Variants in MAP3K9 observed in about 807,000 individuals in gnomAD.
MAP3K9 encodes the protein mixed lineage kinase 1 (tyr and ser/thr specificity).
MAP3K9 carries 46 observed loss-of-function variants against 95.8 expected under a neutral mutation model. That is an observed-to-expected ratio of 0.48 (90% CI 0.38 to 0.61). MAP3K9 has a LOEUF of 0.61. Ranked by LOEUF, MAP3K9 falls within the 20% of genes least tolerant of loss-of-function variation. The pLI, the probability that MAP3K9 is intolerant of heterozygous loss-of-function variation, is 0.00. For missense variants in MAP3K9, 1,296 were observed against 1,474.3 expected, an observed-to-expected ratio of 0.88 and a Z score of 1.98; for synonymous variants, 533 against 593.8, an observed-to-expected ratio of 0.90 and a Z score of 1.49.
rs764502562 is a variant in MAP3K9, at chr14:70,800,843, T to C, written c.644A>G (p.Asn215Ser). The C allele has an allele frequency of 3.7e-6, 6 of 1,614,146 alleles. No individual in the cohort carries two copies. The highest frequency in any genetic ancestry group is 1.1e-5 in the South Asian group (1 of 91,078). ...ALRGVCLKEP[N>S]LCLVMEFARG... Reference sequence around the variant, plus strand: ...AGCAAACTCCATGACCAAGCAGAGGTTGGGCTCCTTCAGACATACCCCTCT... The same window carrying C: ...AGCAAACTCCATGACCAAGCAGAGGCTGGGCTCCTTCAGACATACCCCTCT... Residue 215 changes from asparagine (N) to serine (S), a missense_variant, in exon 2 of 12, where the codon AAC (asparagine) becomes AGC (serine). Asn to Ser is a conservative substitution (Grantham distance 46). Coordinates refer to ENST00000554752, the MANE Select transcript of MAP3K9 (RefSeq NM_001284230.2).
intron 2 of MAP3K9, among the ~76,000 whole-genome samples, chr14:70,763,595 A>G (rs1033435871): frequency 5.3e-5 from 8 of 151,770 alleles, no homozygotes; most frequent in Non-Finnish European, 1.0e-4. Flanking sequence ...CAGTGGTGCA[A>G]TCATAGCTTA....
chr14:70,742,375 C>T lies in MAP3K9; in HGVS notation c.1543G>A (p.Gly515Ser), dbSNP rs1340570500. The stretch of plus-strand genomic sequence containing the variant: ...CCAGAAGGGAGGCTGATGCGGTTGC[C>T]ATCCTTGAGCTTCAGCCGGCTCTTC... ...FRKSRLKLKD[G>S]NRISLPSDFQ... is the part of the protein sequence containing the mutation. Residue 515 changes from glycine (G) to serine (S), a missense_variant, in exon 6 of 12, where the codon GGC becomes AGC. By Grantham distance (56) the Gly-to-Ser change is moderately conservative. Around this residue, in one of 5 missense-constraint regions of MAP3K9, gnomAD observed 377 missense variants for 417.1 expected, o/e 0.90. Coordinates refer to ENST00000554752, the MANE Select transcript of MAP3K9 (RefSeq NM_001284230.2). The T allele has an allele frequency of 1.5e-5, 25 of 1,614,062 alleles. No homozygotes were observed. The highest frequency in any genetic ancestry group is 2.0e-5 in the Non-Finnish European group (24 of 1,180,048).
chr14:70,737,954 C>G (rs1377119561), intron 8 of MAP3K9, among the ~76,000 whole-genome samples: 1 of 152,168 alleles, frequency 6.6e-6, no homozygotes, highest in Non-Finnish European at 1.5e-5. Context: ...TCCATGGTCT[C>G]TGGAGGCTTC....
At chr14:70,754,967 A>T (rs1377925431) in intron 3 of MAP3K9, among the ~76,000 whole-genome samples, 1 of 152,148 alleles carries the variant, frequency 6.6e-6, no homozygotes, top group Non-Finnish European at 1.5e-5. Context: ...TGGGAAACTT[A>T]CACAATTGAG....
At chr14:70,757,718 GAGT>G (rs1193747256) in intron 3 of MAP3K9, among the ~76,000 whole-genome samples, 1 of 152,170 alleles carries the variant, frequency 6.6e-6, no homozygotes, top group African/African-American at 2.4e-5. Context: ...TAGATTAATG[GAGT>G]AGAACTGAGA....
At chr14:70,785,317 C>G (rs1379185503) in intron 2 of MAP3K9, among the ~76,000 whole-genome samples, 1 of 152,184 alleles carries the variant, frequency 6.6e-6, no homozygotes, top group African/African-American at 2.4e-5. Flanking sequence ...ATTCCAGGAT[C>G]CCCAGTGGAT....
chr14:70,734,485 C>T lies in MAP3K9; in HGVS notation c.1927G>A (p.Val643Ile). Residue 643 changes from valine (V) to isoleucine (I), a missense_variant, in exon 10 of 12, where the codon GTA becomes ATA. By Grantham distance (29) the Val-to-Ile change is conservative. Transcript: ENST00000554752. ...PHFHLGLKSL[V>I]DGYKQWSSSA... ...GACGACCACTGCTTATATCCATCTACCAGGGACTTGAGGCTGAATCAGAGG... is the reference window on the plus strand; with the variant it reads ...GACGACCACTGCTTATATCCATCTATCAGGGACTTGAGGCTGAATCAGAGG... 1 of 1,606,436 alleles carries T rather than the reference C, an allele frequency of 6.2e-7. No homozygotes were observed. The highest frequency in any genetic ancestry group is 8.5e-7 in the Non-Finnish European group (1 of 1,174,450).
chr14:70,805,952 T>C (rs2054985287), intron 1 of MAP3K9, among the ~76,000 whole-genome samples: 1 of 152,148 alleles, frequency 6.6e-6, no homozygotes, highest in Admixed American at 6.5e-5. Flanking sequence ...CAAAAAAAGC[T>C]TTTAAATAAA....
In MAP3K9 at chr14:70,730,536, G is replaced by A; in HGVS notation, c.3159C>T (p.Leu1053=). 6.2e-7 allele frequency: 1 copy of A among 1,613,970 alleles called. No homozygotes were observed. Among genetic ancestry groups the A allele is most frequent in the Non-Finnish European group, 8.5e-7 (1 of 1,180,030 alleles). ...VEERPGLPAL[L]PFQAGPLPPT... ...GGGGCAGCGGCCCTGCCTGGAACGGGAGCAGGGCTGGAAGTCCAGGCCGCT... is the reference window on the plus strand; with the variant it reads ...GGGGCAGCGGCCCTGCCTGGAACGGAAGCAGGGCTGGAAGTCCAGGCCGCT... The change falls in exon 12 of 12, where the codon CTC becomes CTT. Residue 1053 remains leucine, a synonymous_variant. Coordinates refer to ENST00000554752, the MANE Select transcript of MAP3K9 (RefSeq NM_001284230.2).
chr14:70,796,062 T>C lies in MAP3K9; in HGVS notation c.820+4605A>G, dbSNP rs528406069. Among the ~76,000 whole-genome samples, 12 of 152,310 alleles carry C rather than the reference T, an allele frequency of 7.9e-5. No individual in the cohort carries two copies. In the South Asian group the frequency reaches 2.5e-3, roughly 32 times the overall value. On this transcript the variant is annotated intron_variant, in intron 2 of 11. Transcript: ENST00000554752. ...GAGCCACCACACCTGGCCACTTATA[T>C]AACTTTTAATGGCCACTATTAAACT... is the stretch of plus-strand genomic sequence containing the variant.
At position 70,808,815 on chromosome 14, in the gene MAP3K9, G is replaced by T; in HGVS notation, c.357C>A (p.Ser119Arg). ...GGTCCTCGCCGCCGGGCTGGCAGCG[G>T]CTGGAGAAGGCGCTGCGCGGGGTCA... ...NYVTPRSAFS[S>R]RCQPGGEDPS... The change falls in exon 1 of 12, where the codon AGC (serine) becomes AGA (arginine). Residue 119 changes from serine (S) to arginine (R), a missense_variant. Ser to Arg is a moderately radical substitution (Grantham distance 110). Coordinates refer to ENST00000554752, the MANE Select transcript of MAP3K9 (RefSeq NM_001284230.2). 6.3e-7 allele frequency: 1 copy of T among 1,594,450 alleles called. No homozygotes were observed. Among genetic ancestry groups the T allele is most frequent in the Non-Finnish European group, 8.5e-7 (1 of 1,173,412 alleles).
chr14:70,778,152 G>C (rs1007138178), intron 2 of MAP3K9, among the ~76,000 whole-genome samples: 10 of 151,932 alleles, frequency 6.6e-5, no homozygotes, highest in Non-Finnish European at 5.9e-5. Context: ...ACCCAGGCTG[G>C]AGTGCAGTGG....
chr14:70,760,141 G>GCGCACACACA (rs1555369568), intron 3 of MAP3K9, among the ~76,000 whole-genome samples: 1 of 147,700 alleles, frequency 6.8e-6, no homozygotes. Flanking sequence ...AAATAAACGT[G>GCGCACACACA]CACACACACA....
intron 4 of MAP3K9, among the ~76,000 whole-genome samples, 159 bp from the exon 5 acceptor site, chr14:70,749,163 A>G (rs1420586586): frequency 6.6e-6 from 1 of 152,238 alleles, no homozygotes; most frequent in African/African-American, 2.4e-5. Flanking sequence ...CTCAGGAAGT[A>G]AAGCAAACTG....
Position 70,729,951 on chromosome 14 carries a change from A to G in MAP3K9, c.*429T>C, listed in dbSNP as rs1321182035. On this transcript the variant is annotated 3_prime_UTR_variant, in exon 12 of 12. Transcript: ENST00000554752. ...CAGCGGAGGAGGACCAAAATCAATC[A>G]CAGAATATCCAACACTGGTGTTTGG... is the stretch of plus-strand genomic sequence containing the variant. 5.9e-6 allele frequency: 1 copy of G among 170,130 alleles called. No individual in the cohort carries two copies. The highest frequency in any genetic ancestry group is 2.4e-5 in the African/African-American group (1 of 41,934). The allele number at this position is 170,130 out of a possible 1,614,324, so 10.5% of individuals were successfully genotyped here.
intron 9 of MAP3K9, among the ~76,000 whole-genome samples, chr14:70,734,947 C>A (rs1018919958): frequency 4.6e-5 from 7 of 152,268 alleles, no homozygotes; most frequent in African/African-American, 1.7e-4. Flanking sequence ...GTGGACCAGG[C>A]TACTCCACAT....
chr14:70,730,900 G>A (rs1274087113), intron 11 of MAP3K9, 36 bp from the exon 12 acceptor site: 2 of 1,569,236 alleles, frequency 1.3e-6, no homozygotes, highest in African/African-American at 1.4e-5. Context: ...CATCAGATGA[G>A]GCACCATATT....
chr14:70,732,887 G>A lies in MAP3K9; in HGVS notation c.2482C>T (p.Pro828Ser), dbSNP rs746450605. The change falls in exon 11 of 12, where the codon CCC becomes TCC. Residue 828 changes from proline to serine, a missense_variant. Transcript: ENST00000554752. ...KEEPMLLLGD[P>S]SASLTLLSLS... Reference sequence around the variant, plus strand: ...GAGAGCAGCGTCAGGGAGGCAGAGGGGTCTCCTAGCAACAGCATGGGCTCC... The same window carrying A: ...GAGAGCAGCGTCAGGGAGGCAGAGGAGTCTCCTAGCAACAGCATGGGCTCC... 4.0e-5 allele frequency: 64 copies of A among 1,613,734 alleles called. No homozygotes were observed. The highest frequency in any genetic ancestry group is 1.6e-4 in the Middle Eastern group (1 of 6,082).
At position 70,738,313 on chromosome 14, in the gene MAP3K9, T is replaced by C. The variant is rs2054014326; in HGVS notation, c.1776A>G (p.Pro592=). Residue 592 remains proline, a synonymous_variant, in exon 8 of 12, where the codon CCA becomes CCG. Transcript: ENST00000554752. ...GCCCCCACGTCCGTCCCTTCTTCTT[T>C]GGGGCCCTCTTCTCCTCCTCCTCCC... ...EEGEEEEKRA[P]KKKGRTWGPG... 1.9e-6 allele frequency: 3 copies of C among 1,613,926 alleles called. No homozygotes were observed. In the South Asian group the frequency reaches 3.3e-5, roughly 18 times the overall value.
Sources: allele counts gnomAD v4.1 joint callset (sites outside exome capture counted in the v4.1 genomes callset), GRCh38; gene constraint gnomAD v4.1.1; regional missense constraint gnomAD v4.1.1; transcripts MANE v1.5; gene names NCBI Gene and HGNC (gene_info 2026-07-23, HGNC 2026-07-21).